WWOX: variants seen among roughly 807,000 people sequenced by gnomAD.
WWOX encodes WW domain containing oxidoreductase.
In WWOX, 69 loss-of-function variants were observed where a neutral mutation model predicts 46.2. The ratio of observed to expected loss-of-function variants is 1.49; its 90% CI spans 1.23 to 1.82. The LOEUF (loss-of-function observed/expected upper bound fraction) is 1.82. Among genes scored for constraint, WWOX ranks in the 40% most tolerant of loss-of-function variants. The pLI is 0.00. For synonymous variants in WWOX, 359 were observed against 202.6 expected, an observed-to-expected ratio of 1.77 and a Z score of -6.56; for missense variants, 919 against 542.6, an observed-to-expected ratio of 1.69 and a Z score of -6.89.
intron 5 of WWOX, among the ~76,000 whole-genome samples, chr16:78,308,803 G>A (rs995860478): frequency 3.3e-5 from 5 of 152,130 alleles, no homozygotes; most frequent in African/African-American, 1.2e-4. Flanking sequence ...AACCCAGATA[G>A]TCCTTTCTAC....
intron 5 of WWOX, among the ~76,000 whole-genome samples, chr16:78,381,854 G>A (rs1294109613): frequency 6.6e-6 from 1 of 151,996 alleles, no homozygotes; most frequent in Non-Finnish European, 1.5e-5. Context: ...TTATTTTACG[G>A]TGGTGGGATT....
chr16:79,038,394 C>G (rs372179032), intron 8 of WWOX, among the ~76,000 whole-genome samples: 8 of 151,884 alleles, frequency 5.3e-5, no homozygotes, highest in African/African-American at 1.7e-4. Flanking sequence ...TTCTGTGAGT[C>G]TAATTATGGA....
chr16:78,618,596 C>T (rs1029560898), intron 8 of WWOX, among the ~76,000 whole-genome samples: 5 of 152,128 alleles, frequency 3.3e-5, no homozygotes, highest in Admixed American at 2.6e-4. Context: ...TTGTGAGGTA[C>T]TGGGGGTTTG....
chr16:78,384,171 G>A (rs1355979479), intron 5 of WWOX, among the ~76,000 whole-genome samples: 1 of 152,188 alleles, frequency 6.6e-6, no homozygotes, highest in Non-Finnish European at 1.5e-5. Context: ...TTCCACTGGG[G>A]GCTTGGCTGA....
At chr16:78,682,367 C>G (rs1443812792) in intron 8 of WWOX, among the ~76,000 whole-genome samples, 1 of 152,000 alleles carries the variant, frequency 6.6e-6, no homozygotes, top group Non-Finnish European at 1.5e-5. Flanking sequence ...TTTTTTGTAC[C>G]AGTGAGGATG....
At chr16:78,574,299 T>C (rs922451727) in intron 8 of WWOX, among the ~76,000 whole-genome samples, 1 of 152,200 alleles carries the variant, frequency 6.6e-6, no homozygotes, top group Non-Finnish European at 1.5e-5. Flanking sequence ...TGCTGATTAA[T>C]ACCAAGTCAG....
chr16:78,999,297 C>A (rs1323123700), intron 8 of WWOX, among the ~76,000 whole-genome samples: 1 of 151,966 alleles, frequency 6.6e-6, no homozygotes, highest in Non-Finnish European at 1.5e-5. Flanking sequence ...ATGGAGAAAC[C>A]CCGTCTCTAC....
intron 8 of WWOX, among the ~76,000 whole-genome samples, chr16:79,162,756 A>G (rs917029903): frequency 2.0e-5 from 3 of 152,104 alleles, no homozygotes; most frequent in African/African-American, 7.2e-5. Context: ...CATCCTGCAA[A>G]TTTGCTGCCC....
chr16:78,530,023 A>G (rs980316928), intron 8 of WWOX, among the ~76,000 whole-genome samples: 2 of 152,158 alleles, frequency 1.3e-5, no homozygotes, highest in African/African-American at 4.8e-5. Context: ...CTTTGGTGCC[A>G]GTAGAGGTGA....
chr16:78,738,127 A>G (rs535009627), intron 8 of WWOX, among the ~76,000 whole-genome samples: 3 of 152,242 alleles, frequency 2.0e-5, no homozygotes, highest in South Asian at 2.1e-4. Context: ...AAACAGTTCA[A>G]TTAGGTAAAG....
chr16:78,359,038 T>C (rs992633729), intron 5 of WWOX, among the ~76,000 whole-genome samples: 27 of 152,234 alleles, frequency 1.8e-4, no homozygotes, highest in African/African-American at 6.5e-4. Context: ...ATGAGCAACG[T>C]TGCTGGTTTA....
intron 8 of WWOX, among the ~76,000 whole-genome samples, chr16:78,817,503 A>T (rs76602448): frequency 2.6e-5 from 4 of 152,180 alleles, no homozygotes; most frequent in Non-Finnish European, 5.9e-5. Context: ...ACTGCAAAAT[A>T]GATGTACAGC....
intron 8 of WWOX, among the ~76,000 whole-genome samples, chr16:79,024,575 A>T (rs567774010): frequency 6.6e-6 from 1 of 152,054 alleles, no homozygotes; most frequent in Non-Finnish European, 1.5e-5. Context: ...CTGGGACTAC[A>T]GGCACCCACC....
At chr16:78,996,543 C>T (rs1171846196) in intron 8 of WWOX, among the ~76,000 whole-genome samples, 1 of 152,064 alleles carries the variant, frequency 6.6e-6, no homozygotes, top group African/African-American at 2.4e-5. Context: ...TCCATTCCTC[C>T]TAACTAATGT....
intron 8 of WWOX, among the ~76,000 whole-genome samples, chr16:78,887,256 A>C (rs539881539): frequency 6.6e-6 from 1 of 151,976 alleles, no homozygotes; most frequent in South Asian, 2.1e-4. Context: ...GTAAAATGCT[A>C]TTTCATTATA....
chr16:78,628,992 ATAT>A lies in WWOX; in HGVS notation c.1056+196241_1056+196243del, dbSNP rs1260265170. On this transcript the variant is annotated intron_variant, in intron 8 of 8. Coordinates refer to ENST00000566780, the MANE Select transcript of WWOX (RefSeq NM_016373.4). ...ATTACTTTCCATTCTCAGGTCTTTT[ATAT>A]AAGTATTCCCTTGAACCCGTTCCAA... 3.9e-5 allele frequency among the ~76,000 whole-genome samples: 6 copies of A among 152,288 alleles called. No individual in the cohort carries two copies. The East Asian group carries it at 1.2e-3, about 29-fold the overall frequency.
At chr16:78,692,689 G>T (rs117051286) in intron 8 of WWOX, among the ~76,000 whole-genome samples, 1,948 of 152,280 alleles carry the variant, frequency 0.013, 19 homozygotes, top group South Asian at 0.036. Flanking sequence ...CCCATAAATA[G>T]GTTGTTTATG....
intron 8 of WWOX, among the ~76,000 whole-genome samples, chr16:78,740,206 G>C (rs1291784986): frequency 6.6e-6 from 1 of 152,192 alleles, no homozygotes; most frequent in Non-Finnish European, 1.5e-5. Context: ...GCCTGAAGTT[G>C]AAGAAATGGG....
chr16:78,170,325 C>G (rs1320597308), intron 5 of WWOX, among the ~76,000 whole-genome samples: 2 of 152,182 alleles, frequency 1.3e-5, no homozygotes, highest in African/African-American at 2.4e-5. Context: ...CATAATATCT[C>G]TATTCAGAGA....
Sources: gnomAD v4.1 joint callset for allele counts (sites outside exome capture counted in the v4.1 genomes callset) on GRCh38, gnomAD v4.1.1 for gene constraint, MANE v1.5 for transcripts, NCBI Gene and HGNC (gene_info 2026-07-23, HGNC 2026-07-21) for gene names.